The following AFF2 variants were observed in gnomAD, a reference collection of about 807,000 sequenced individuals.
AFF2 encodes the protein ALF transcription elongation factor 2.
A neutral mutation model predicts 76.9 loss-of-function variants in AFF2; 14 were observed. The observed-to-expected ratio is 0.18, with a 90% CI of 0.12 to 0.28. The LOEUF (loss-of-function observed/expected upper bound fraction) is 0.28. AFF2 is among the 10% of genes least tolerant of loss of function. The pLI, the probability that AFF2 is intolerant of heterozygous loss-of-function variation, is 1.00. For synonymous variants in AFF2, 398 were observed against 366.7 expected (o/e 1.09, Z -0.98); for missense variants, 868 against 1,001.1 (o/e 0.87, Z 1.79).
At chrX:148,908,397 C>A (rs782719804) in intron 9 of AFF2, among the ~76,000 whole-genome samples, 22 of 112,049 alleles carry the variant, frequency 2.0e-4, no homozygotes, top group Middle Eastern at 9.3e-3. Flanking sequence ...ATTTGGGGAA[C>A]AAATAAATGT....
chrX:148,928,983 A>T (rs1242860299), intron 9 of AFF2, among the ~76,000 whole-genome samples: 4 of 112,000 alleles, frequency 3.6e-5, no homozygotes, highest in African/African-American at 1.3e-4. Context: ...TCATTTGATG[A>T]GTCAGTTGAT....
intron 3 of AFF2, among the ~76,000 whole-genome samples, chrX:148,794,826 A>G (rs1371274015): frequency 2.7e-5 from 3 of 111,161 alleles, no homozygotes; most frequent in African/African-American, 9.8e-5. Flanking sequence ...CTATGGCTCT[A>G]GTGGGAACTA....
chrX:148,513,243 A>G (rs782315889), intron 1 of AFF2, among the ~76,000 whole-genome samples: 15 of 112,054 alleles, frequency 1.3e-4, no homozygotes, highest in South Asian at 3.7e-4. Flanking sequence ...CTACGTGCCT[A>G]TACTCCAAAC....
At chrX:148,858,772 G>A (rs1163273988) in intron 7 of AFF2, among the ~76,000 whole-genome samples, 1 of 110,045 alleles carries the variant, frequency 9.1e-6, no homozygotes, top group East Asian at 2.9e-4. Flanking sequence ...CATAAACAAG[G>A]TTTGAAAGAA....
chrX:148,501,939 T>TACCCTAA (rs1410554455), intron 1 of AFF2, among the ~76,000 whole-genome samples: 14 of 112,250 alleles, frequency 1.2e-4, no homozygotes, highest in Non-Finnish European at 1.9e-5. Flanking sequence ...CTTCACAAAA[T>TACCCTAA]ACCCTAAACT....
intron 1 of AFF2, among the ~76,000 whole-genome samples, chrX:148,553,885 A>G (rs1221244802): frequency 1.8e-5 from 2 of 112,134 alleles, no homozygotes; most frequent in Non-Finnish European, 3.8e-5. Context: ...ACTTCCAGAC[A>G]CCTTTAAAAA....
intron 1 of AFF2, among the ~76,000 whole-genome samples, chrX:148,567,414 C>T (rs1383483607): frequency 1.8e-5 from 2 of 111,513 alleles, no homozygotes; most frequent in African/African-American, 6.5e-5. Context: ...TATCTTGAAG[C>T]AAAGCCACAC....
chrX:148,953,814 G>GACACACACACAC (rs879970205), intron 10 of AFF2, 75 bp downstream of exon 10: 13 of 619,578 alleles, frequency 2.1e-5, no homozygotes, highest in Non-Finnish European at 2.9e-5. Context: ...CACACACACA[G>GACACACACACAC]ACACACACAC....
At chrX:148,895,724 A>G (rs188346301) in intron 8 of AFF2, among the ~76,000 whole-genome samples, 1 of 111,008 alleles carries the variant, frequency 9.0e-6, no homozygotes, top group African/African-American at 3.3e-5. Flanking sequence ...CCAATCCCAT[A>G]TGCTCTGTTG....
intron 1 of AFF2, among the ~76,000 whole-genome samples, chrX:148,587,070 GCTCTCAT>G (rs1270267214): frequency 9.0e-6 from 1 of 111,561 alleles, no homozygotes; most frequent in African/African-American, 3.3e-5. Flanking sequence ...AGTGTTCCTT[GCTCTCAT>G]CACTCTAGCC....
At position 148,962,812 on chromosome X, in the gene AFF2, G is replaced by A. The variant is rs150223404; in HGVS notation, c.2788G>A (p.Val930Ile). ...AGAGGACCCTCCACGCCGCAGAAAT[G>A]TCAGTGGCAATAATGGTCCCTTTGG... Reference protein sequence around the residue: ...LPEDPPRRRNVSGNNGPFGQD... With the variant: ...LPEDPPRRRNISGNNGPFGQD... Residue 930 changes from valine (V) to isoleucine (I), a missense_variant, in exon 13 of 21, where the codon GTC (valine) becomes ATC (isoleucine). Val to Ile is a conservative substitution (Grantham distance 29, BLOSUM62 3). Coordinates refer to ENST00000370460, the MANE Select transcript of AFF2 (RefSeq NM_002025.4). 1.7e-5 allele frequency: 20 copies of A among 1,207,933 alleles called. No individual in the cohort carries two copies. The African/African-American group carries it at 3.1e-4, about 19-fold the overall frequency.
At chrX:148,502,835 G>GT (rs1229786487) in intron 1 of AFF2, among the ~76,000 whole-genome samples, 8 of 112,154 alleles carry the variant, frequency 7.1e-5, no homozygotes, top group Non-Finnish European at 1.3e-4. Context: ...TTAGAAACAT[G>GT]TTTTTTATAT....
At chrX:148,924,303 T>C (rs2124274667) in intron 9 of AFF2, among the ~76,000 whole-genome samples, 1 of 111,948 alleles carries the variant, frequency 8.9e-6, no homozygotes, top group East Asian at 2.8e-4. Context: ...AATAGTGAGA[T>C]AGTGAGATTT....
chrX:148,898,206 G>A (rs782367442), intron 8 of AFF2, among the ~76,000 whole-genome samples: 79 of 111,967 alleles, frequency 7.1e-4, no homozygotes, highest in Admixed American at 2.6e-3. Context: ...TTCCATGGTA[G>A]TGAAATGCAC....
intron 3 of AFF2, among the ~76,000 whole-genome samples, chrX:148,707,082 G>A (rs1306678387): frequency 9.0e-6 from 1 of 111,405 alleles, no homozygotes. Flanking sequence ...ATCTGTTCTA[G>A]TTTTTATTTC....
At chrX:148,531,186 C>A (rs2052725832) in intron 1 of AFF2, among the ~76,000 whole-genome samples, 1 of 111,776 alleles carries the variant, frequency 8.9e-6, no homozygotes, top group South Asian at 3.7e-4. Context: ...TCTTCCCCAT[C>A]CCCCATCTGA....
At position 148,778,746 on chromosome X, in the gene AFF2, C is replaced by T. The variant is rs2069701582; in HGVS notation, c.1042-31130C>T. On this transcript the variant is annotated intron_variant, in intron 3 of 20. Coordinates refer to ENST00000370460, the MANE Select transcript of AFF2 (RefSeq NM_002025.4). Reference sequence around the variant, plus strand: ...TGATTTGATTCTTCTCTCTTTTCTTCTTTATTAGTCTGGCTAGTGATCTAT... The same window carrying T: ...TGATTTGATTCTTCTCTCTTTTCTTTTTTATTAGTCTGGCTAGTGATCTAT... Among the ~76,000 whole-genome samples, 4 of 111,179 alleles carry T rather than the reference C, an allele frequency of 3.6e-5. No individual in the cohort carries two copies. In the South Asian group the frequency reaches 1.5e-3, roughly 42 times the overall value.
At chrX:148,724,787 G>A (rs1220881579) in intron 3 of AFF2, among the ~76,000 whole-genome samples, 7 of 112,503 alleles carry the variant, frequency 6.2e-5, no homozygotes, top group Non-Finnish European at 1.3e-4. Context: ...ATGTTGCAAT[G>A]AGCATAAAGG....
Position 148,529,405 on chromosome X carries a change from A to G in AFF2, c.47+28261A>G, listed in dbSNP as rs782091887. Among the ~76,000 whole-genome samples the G allele has an allele frequency of 6.2e-5, 7 of 112,275 alleles. No homozygotes were observed. The East Asian group carries it at 2.0e-3, about 31-fold the overall frequency. The stretch of plus-strand genomic sequence containing the variant: ...TTTGTTCCTATGCAATGGGGCCTTT[A>G]TGTACAAAAACAAAGTATAGGTCAA... On this transcript the variant is annotated intron_variant, in intron 1 of 20. Transcript: ENST00000370460.
Sources: allele counts gnomAD v4.1 joint callset (sites outside exome capture counted in the v4.1 genomes callset), GRCh38; gene constraint gnomAD v4.1.1; transcripts MANE v1.5; gene names NCBI Gene and HGNC (gene_info 2026-07-23, HGNC 2026-07-21).